Variants in THSD7B observed in about 807,000 individuals in gnomAD.
The protein encoded by THSD7B is thrombospondin type 1 domain containing 7B, also known as thrombospondin type-1 domain-containing protein 7B.
Under a neutral mutation model 213.6 loss-of-function variants are expected in THSD7B, and 138 were observed. The observed-to-expected ratio is 0.65, with a 90% CI of 0.56 to 0.74. The LOEUF (loss-of-function observed/expected upper bound fraction) is 0.74. Ranked by LOEUF, THSD7B falls within the 30% of genes least tolerant of loss-of-function variation. The probability of loss-of-function intolerance (pLI) is 0.00; values close to 1 mark genes in which losing one functional copy is unlikely to be tolerated. For synonymous variants in THSD7B, 742 were observed against 687.0 expected, an observed-to-expected ratio of 1.08 and a Z score of -1.25; for missense variants, 1,931 against 1,991.5, an observed-to-expected ratio of 0.97 and a Z score of 0.58.
intron 15 of THSD7B, among the ~76,000 whole-genome samples, chr2:137,469,656 G>C (rs1192360502): frequency 1.3e-5 from 2 of 152,160 alleles, no homozygotes; most frequent in East Asian, 3.8e-4. Flanking sequence ...GCAGTGAAAA[G>C]ATTAATTTTT....
At chr2:136,889,169 G>A (rs1683772658) in intron 2 of THSD7B, among the ~76,000 whole-genome samples, 1 of 152,030 alleles carries the variant, frequency 6.6e-6, no homozygotes, top group Non-Finnish European at 1.5e-5. Context: ...ATCATCTCTG[G>A]AAAAGAGGTT....
At chr2:137,481,558 G>A (rs1688306379) in intron 15 of THSD7B, among the ~76,000 whole-genome samples, 1 of 152,166 alleles carries the variant, frequency 6.6e-6, no homozygotes, top group Admixed American at 6.5e-5. Flanking sequence ...AAAAGTTTAG[G>A]CTTTGCAGAC....
At chr2:137,624,524 G>A (rs1174497481) in intron 20 of THSD7B, among the ~76,000 whole-genome samples, 1 of 152,208 alleles carries the variant, frequency 6.6e-6, no homozygotes, top group African/African-American at 2.4e-5. Context: ...ACTACCATCA[G>A]AGTGAACAGG....
At chr2:136,966,076 C>T (rs1685308112) in intron 2 of THSD7B, among the ~76,000 whole-genome samples, 1 of 152,132 alleles carries the variant, frequency 6.6e-6, no homozygotes, top group Admixed American at 6.6e-5. Flanking sequence ...TAAAATTGAA[C>T]TGATGCCCTT....
At chr2:137,521,492 C>T (rs906570303) in intron 15 of THSD7B, among the ~76,000 whole-genome samples, 1 of 152,114 alleles carries the variant, frequency 6.6e-6, no homozygotes, top group Non-Finnish European at 1.5e-5. Context: ...AAAATCTCCC[C>T]CATCCCTCTT....
chr2:137,661,948 A>C (rs62168470), intron 25 of THSD7B, among the ~76,000 whole-genome samples: 1 of 151,824 alleles, frequency 6.6e-6, no homozygotes. Context: ...AAGATCATAT[A>C]CCAGTTAAAC....
At chr2:136,766,461 C>G (rs1681395166) in intron 1 of THSD7B, among the ~76,000 whole-genome samples, 2 of 152,034 alleles carry the variant, frequency 1.3e-5, no homozygotes, top group African/African-American at 2.4e-5. Context: ...TGCACCTGTC[C>G]CCTTTGCTGT....
intron 13 of THSD7B, among the ~76,000 whole-genome samples, chr2:137,407,313 CTGTT>C (rs1471051853): frequency 6.6e-6 from 1 of 152,030 alleles, no homozygotes; most frequent in Non-Finnish European, 1.5e-5. Flanking sequence ...TACTAAAAGA[CTGTT>C]TGAAATTTCT....
intron 12 of THSD7B, among the ~76,000 whole-genome samples, chr2:137,313,422 C>G (rs1479233719): frequency 7.2e-6 from 1 of 139,824 alleles, no homozygotes; most frequent in Non-Finnish European, 1.6e-5. Flanking sequence ...AGATGGGTTT[C>G]CTGAATACAG....
At chr2:136,854,186 A>C (rs1297361902) in intron 1 of THSD7B, among the ~76,000 whole-genome samples, 1 of 152,090 alleles carries the variant, frequency 6.6e-6, no homozygotes, top group African/African-American at 2.4e-5. Flanking sequence ...CTGGGGGGGA[A>C]TAAAATACCA....
rs78887842 is a variant in THSD7B at position 136,837,180 on chromosome 2, T to C, written c.-35-44964T>C. 3.9e-3 allele frequency among the ~76,000 whole-genome samples: 590 copies of C among 152,328 alleles called. 19 individuals are homozygous for C. In the East Asian group the frequency reaches 0.085, roughly 22 times the overall value. ...CATCAAAAATATAAAGCTCTTCTTG[T>C]CATCCCCTGTCTTCCAAGGGCTTTT... On this transcript the variant is annotated intron_variant, in intron 1 of 27. Transcript: ENST00000409968.
chr2:137,051,663 G>T (rs1687073214), intron 2 of THSD7B, among the ~76,000 whole-genome samples: 1 of 152,124 alleles, frequency 6.6e-6, no homozygotes, highest in Non-Finnish European at 1.5e-5. Context: ...CCTTGCCCAA[G>T]TTAAAAATAA....
chr2:137,665,366 G>A (rs184248442), intron 26 of THSD7B, among the ~76,000 whole-genome samples: 1 of 152,168 alleles, frequency 6.6e-6, no homozygotes, highest in East Asian at 1.9e-4. Context: ...GTATATGTGT[G>A]TGTGTCTATG....
At chr2:137,660,464 C>T (rs1052475149) in intron 25 of THSD7B, among the ~76,000 whole-genome samples, 3 of 152,020 alleles carry the variant, frequency 2.0e-5, no homozygotes, top group South Asian at 2.1e-4. Context: ...CTATTATTGG[C>T]CTTACAAATC....
intron 7 of THSD7B, among the ~76,000 whole-genome samples, chr2:137,211,932 C>T (rs1368988970): frequency 1.3e-5 from 2 of 151,978 alleles, no homozygotes; most frequent in Non-Finnish European, 2.9e-5. Context: ...CCAGATATAT[C>T]TGATATGTAT....
At chr2:137,174,299 A>G (rs1380906903) in intron 7 of THSD7B, among the ~76,000 whole-genome samples, 2 of 152,160 alleles carry the variant, frequency 1.3e-5, no homozygotes, top group Admixed American at 6.5e-5. Flanking sequence ...CTTGACCAAG[A>G]TTCTGTAGGG....
At chr2:137,036,944 T>TTCTC (rs1686787341) in intron 2 of THSD7B, among the ~76,000 whole-genome samples, 2 of 152,170 alleles carry the variant, frequency 1.3e-5, no homozygotes, top group Admixed American at 6.5e-5. Flanking sequence ...ATCACCCCCC[T>TTCTC]TCTCTCTTCC....
chr2:137,144,061 G>A (rs918033424), intron 5 of THSD7B, among the ~76,000 whole-genome samples: 6 of 151,986 alleles, frequency 3.9e-5, no homozygotes, highest in African/African-American at 7.2e-5. Flanking sequence ...TTGCACATGG[G>A]TAGGGCAACA....
intron 1 of THSD7B, among the ~76,000 whole-genome samples, chr2:136,781,364 A>C (rs2710170): frequency 0.16 from 23,438 of 149,774 alleles, 2,047 homozygotes; most frequent in East Asian, 0.3. Flanking sequence ...TCCTGAGCTC[A>C]AGAGATTCTC....
Sources: gnomAD v4.1 joint callset for allele counts (sites outside exome capture counted in the v4.1 genomes callset) on GRCh38, gnomAD v4.1.1 for gene constraint, MANE v1.5 for transcripts, NCBI Gene and HGNC (gene_info 2026-07-23, HGNC 2026-07-21) for gene names.